BBS9: variants seen among roughly 807,000 people sequenced by gnomAD.
BBS9 encodes the protein Bardet-Biedl syndrome 9.
In BBS9, 89 loss-of-function variants were observed where a neutral mutation model predicts 117.7. That is an observed-to-expected ratio of 0.76 (90% CI 0.64 to 0.90). The LOEUF is 0.90. Ranked by LOEUF, BBS9 falls within the 40% of genes least tolerant of loss-of-function variation. The probability of loss-of-function intolerance (pLI) is 0.00; values close to 1 mark genes in which losing one functional copy is unlikely to be tolerated. For synonymous variants in BBS9, 379 were observed against 370.9 expected (o/e 1.02, Z -0.25); for missense variants, 982 against 1,042.2 (o/e 0.94, Z 0.80).
chr7:33,389,778 G>A (rs1433948509), intron 19 of BBS9, among the ~76,000 whole-genome samples: 1 of 151,516 alleles, frequency 6.6e-6, no homozygotes, highest in Admixed American at 6.6e-5. Flanking sequence ...GTGGAATATT[G>A]GAAAGAACAC....
intron 9 of BBS9, among the ~76,000 whole-genome samples, chr7:33,297,204 T>C (rs1805453375): frequency 6.6e-6 from 1 of 152,154 alleles, no homozygotes; most frequent in Admixed American, 6.6e-5. Flanking sequence ...ATATCTCAGA[T>C]GGTTGATTTT....
At chr7:33,429,439 CA>C (rs1244275292) in intron 19 of BBS9, among the ~76,000 whole-genome samples, 1 of 152,106 alleles carries the variant, frequency 6.6e-6, no homozygotes, top group Non-Finnish European at 1.5e-5. Flanking sequence ...TCTTTAAGAA[CA>C]CTGAAAGCAT....
At chr7:33,402,941 A>G (rs934018914) in intron 19 of BBS9, among the ~76,000 whole-genome samples, 1 of 152,118 alleles carries the variant, frequency 6.6e-6, no homozygotes, top group African/African-American at 2.4e-5. Flanking sequence ...AAGTGAGAAC[A>G]TGCAATATTT....
In BBS9 at chr7:33,611,781, AATATT is replaced by A. The variant is rs1293845235; in HGVS notation, c.2522-23391_2522-23387del. On this transcript the variant is annotated intron_variant, in intron 21 of 21. Transcript: ENST00000671952. The stretch of plus-strand genomic sequence containing the variant: ...ATATTATATAATATTATTATATAAT[AATATT>A]ATATATGGTATATATTATACCTTAA... Among the ~76,000 whole-genome samples the A allele has an allele frequency of 3.6e-5, 5 of 139,724 alleles. No homozygotes were observed. In the East Asian group the frequency reaches 1.0e-3, roughly 28 times the overall value. 91.7% of individuals were successfully genotyped at this position (139,724 alleles called of 152,430 possible). A position where few individuals can be genotyped will look rare whatever the true frequency, so the allele number is the denominator to read the frequency against.
At chr7:33,381,830 G>C (rs1396528615) in intron 17 of BBS9, among the ~76,000 whole-genome samples, 2 of 152,146 alleles carry the variant, frequency 1.3e-5, no homozygotes, top group Non-Finnish European at 2.9e-5. Flanking sequence ...GGCATACCCA[G>C]TATATTTTAT....
chr7:33,198,340 T>C (rs1364667245), intron 5 of BBS9, among the ~76,000 whole-genome samples: 3 of 152,014 alleles, frequency 2.0e-5, no homozygotes, highest in African/African-American at 7.2e-5. Flanking sequence ...CCTATATAGT[T>C]CATTGTCCTA....
intron 7 of BBS9, among the ~76,000 whole-genome samples, chr7:33,267,448 G>A (rs908138683): frequency 6.6e-5 from 9 of 135,984 alleles, no homozygotes; most frequent in Non-Finnish European, 1.4e-4. Flanking sequence ...CTCTTTTTCT[G>A]CTTTTCTTTG....
intron 5 of BBS9, among the ~76,000 whole-genome samples, chr7:33,256,401 T>C (rs1056907555): frequency 3.9e-5 from 6 of 152,178 alleles, no homozygotes; most frequent in Non-Finnish European, 8.8e-5. Flanking sequence ...CTATTTAAGG[T>C]TGATAAATCT....
intron 21 of BBS9, among the ~76,000 whole-genome samples, chr7:33,592,911 AT>A (rs1418468376): frequency 6.6e-6 from 1 of 151,974 alleles, no homozygotes; most frequent in African/African-American, 2.4e-5. Flanking sequence ...ATTTCATTTC[AT>A]TTTTTTGAGA....
At chr7:33,510,965 C>T (rs1010045809) in intron 20 of BBS9, among the ~76,000 whole-genome samples, 1 of 152,156 alleles carries the variant, frequency 6.6e-6, no homozygotes, top group African/African-American at 2.4e-5. Flanking sequence ...CTAGGTTCAG[C>T]CTGTTCAGAT....
intron 21 of BBS9, among the ~76,000 whole-genome samples, chr7:33,621,146 T>C (rs1201950106): frequency 6.6e-6 from 1 of 152,094 alleles, no homozygotes; most frequent in Non-Finnish European, 1.5e-5. Context: ...TTCTTAACAT[T>C]GATCTGGGCA....
At chr7:33,516,180 G>T (rs2129033922) in intron 20 of BBS9, among the ~76,000 whole-genome samples, 1 of 152,220 alleles carries the variant, frequency 6.6e-6, no homozygotes, top group East Asian at 1.9e-4. Context: ...AGATGTGGGG[G>T]AGAAATGTCC....
At chr7:33,528,793 C>G (rs6979835) in intron 20 of BBS9, among the ~76,000 whole-genome samples, 8 of 152,146 alleles carry the variant, frequency 5.3e-5, no homozygotes, top group South Asian at 2.1e-4. Context: ...TCAGGAGCCT[C>G]GGGACAGCTA....
At chr7:33,578,487 A>G (rs1350086436) in intron 21 of BBS9, among the ~76,000 whole-genome samples, 1 of 152,188 alleles carries the variant, frequency 6.6e-6, no homozygotes, top group Non-Finnish European at 1.5e-5. Flanking sequence ...CTGCTTGTGC[A>G]GGCCCTTTAA....
chr7:33,503,719 A>G (rs545858665), intron 19 of BBS9, among the ~76,000 whole-genome samples: 4 of 151,060 alleles, frequency 2.6e-5, no homozygotes, highest in East Asian at 4.0e-4. Context: ...TGGCCCCACA[A>G]TGAGGCTTAA....
chr7:33,529,086 G>A (rs977250968), intron 20 of BBS9, among the ~76,000 whole-genome samples: 2 of 152,168 alleles, frequency 1.3e-5, no homozygotes, highest in African/African-American at 4.8e-5. Context: ...TCAGTCAGGA[G>A]GAGCAGACTA....
In BBS9 at chr7:33,453,960, C is replaced by T. The variant is rs137880846; in HGVS notation, c.2116-51503C>T. Reference sequence around the variant, plus strand: ...AATTAGTAGTTAAATTTGGGGGAGTCAAAAGTTGTATATGGATTTCTGACT... The same window carrying T: ...AATTAGTAGTTAAATTTGGGGGAGTTAAAAGTTGTATATGGATTTCTGACT... On this transcript the variant is annotated intron_variant, in intron 19 of 22. Transcript: ENST00000242067. Among the ~76,000 whole-genome samples the T allele has an allele frequency of 2.6e-5, 4 of 152,226 alleles. No individual in the cohort carries two copies. The East Asian group carries it at 5.8e-4, about 22-fold the overall frequency.
chr7:33,416,498 A>G (rs571292477), intron 19 of BBS9, among the ~76,000 whole-genome samples: 2 of 152,108 alleles, frequency 1.3e-5, no homozygotes, highest in African/African-American at 2.4e-5. Flanking sequence ...TCAGGACACT[A>G]TAATGACCAG....
chr7:33,395,426 C>G (rs998179348), intron 19 of BBS9, among the ~76,000 whole-genome samples: 2 of 152,072 alleles, frequency 1.3e-5, no homozygotes, highest in Non-Finnish European at 2.9e-5. Flanking sequence ...TTAGACTTAC[C>G]CTATGACTTG....
Sources: allele counts gnomAD v4.1 joint callset (sites outside exome capture counted in the v4.1 genomes callset), GRCh38; gene constraint gnomAD v4.1.1; transcripts MANE v1.5; gene names NCBI Gene and HGNC (gene_info 2026-07-23, HGNC 2026-07-21).